Variants in EIPR1 observed in about 807,000 individuals in gnomAD.
EIPR1 encodes the protein EARP complex and GARP complex interacting protein 1.
Under a neutral mutation model 48.1 loss-of-function variants are expected in EIPR1, and 25 were observed. That is an observed-to-expected ratio of 0.52 (90% CI 0.38 to 0.73). The LOEUF (loss-of-function observed/expected upper bound fraction) is 0.73, where lower values mean the gene tolerates loss of function less well. EIPR1 is among the 30% of genes least tolerant of loss of function. The probability of loss-of-function intolerance (pLI) is 0.00; values close to 1 mark genes in which losing one functional copy is unlikely to be tolerated. For synonymous variants in EIPR1, 204 were observed against 201.9 expected (o/e 1.01, Z -0.09); for missense variants, 415 against 506.2 (o/e 0.82, Z 1.73).
At chr2:3,308,507 G>A (rs1263296090) in intron 3 of EIPR1, among the ~76,000 whole-genome samples, 3 of 151,764 alleles carry the variant, frequency 2.0e-5, no homozygotes, top group Non-Finnish European at 4.4e-5. Context: ...GAAAATAGAC[G>A]GAAAAAAAAA....
rs1356128501 is a variant in EIPR1 at position 3,286,435 on chromosome 2, C to G, written c.260-28980G>C. On this transcript the variant is annotated intron_variant, in intron 3 of 8. Transcript: ENST00000382125. The surrounding 1 kb of genome is among the most constrained non-coding windows in gnomAD (Gnocchi z 4.2). ...CAGAAGGAGCAGTGCCAAGGACCCC[C>G]GGGGGTGGGGCCATCCTACCAGGCA... 6.6e-6 allele frequency among the ~76,000 whole-genome samples: 1 copy of G among 152,106 alleles called. No homozygotes were observed. The highest frequency in any genetic ancestry group is 1.5e-5 in the Non-Finnish European group (1 of 68,014).
At position 3,377,719 on chromosome 2, in the gene EIPR1, C is replaced by G. The variant is rs898969143; in HGVS notation, c.-30G>C. On this transcript the variant is annotated 5_prime_UTR_variant, in exon 1 of 9. Coordinates refer to ENST00000382125, the MANE Select transcript of EIPR1 (RefSeq NM_003310.5). The stretch of plus-strand genomic sequence containing the variant: ...CGGGGAAGCGACCCGACCCCGGCCA[C>G]TCACACGCTAAGGACCTCGCTACGG... 1 of 1,567,986 alleles carries G rather than the reference C, an allele frequency of 6.4e-7. No individual in the cohort carries two copies. The highest frequency in any genetic ancestry group is 8.7e-7 in the Non-Finnish European group (1 of 1,155,892).
At chr2:3,326,617 A>C (rs1447622689) in intron 3 of EIPR1, among the ~76,000 whole-genome samples, 2 of 152,212 alleles carry the variant, frequency 1.3e-5, no homozygotes, top group African/African-American at 4.8e-5. Context: ...AGGGTGTGAC[A>C]GAAGAAGCGA....
intron 1 of EIPR1, among the ~76,000 whole-genome samples, chr2:3,371,649 G>T (rs1367037422): frequency 2.0e-5 from 3 of 152,136 alleles, no homozygotes; most frequent in African/African-American, 7.2e-5. Context: ...CATTACTTAA[G>T]GGTAAAGGGA....
At position 3,257,416 on chromosome 2, in the gene EIPR1, C is replaced by T; in HGVS notation, c.299G>A (p.Arg100Lys). ...SKVLTCAAVW[R>K]MPKELESGSH... ...GCCTGATTCCAATTCCTTCGGCATC[C>T]TCCACACGGCTGCACATGTCAGGAC... Residue 100 changes from arginine (R) to lysine (K), a missense_variant, in exon 4 of 9, where the codon AGG (arginine) becomes AAG (lysine). Coordinates refer to ENST00000382125, the MANE Select transcript of EIPR1 (RefSeq NM_003310.5). The T allele has an allele frequency of 6.2e-7, 1 of 1,614,230 alleles. No individual in the cohort carries two copies. The highest frequency in any genetic ancestry group is 2.2e-5 in the East Asian group (1 of 44,872).
intron 5 of EIPR1, among the ~76,000 whole-genome samples, chr2:3,202,071 G>T (rs889270703): frequency 1.3e-5 from 2 of 151,844 alleles, no homozygotes. Context: ...CCGAGTAGCT[G>T]GGACTACAGG....
intron 4 of EIPR1, among the ~76,000 whole-genome samples, chr2:3,216,338 C>A (rs563156348): frequency 4.1e-4 from 62 of 152,206 alleles, no homozygotes; most frequent in African/African-American, 1.3e-3. Context: ...AAAAAACAAG[C>A]AAGCAAAAGG....
rs1447092640 is a variant in EIPR1, at chr2:3,214,259, G to A, written c.417-11C>T. The A allele has an allele frequency of 3.7e-6, 6 of 1,611,004 alleles. No individual in the cohort carries two copies. In the Admixed American group the frequency reaches 1.0e-4, roughly 27 times the overall value. The stretch of plus-strand genomic sequence containing the variant: ...GGCTCCCACACGACACTAAGAGAAA[G>A]AGAAGTACCAAATGTTAACATAAAC... On this transcript the variant is annotated splice_polypyrimidine_tract_variant and intron_variant, in intron 4 of 8. Coordinates refer to ENST00000382125, the MANE Select transcript of EIPR1 (RefSeq NM_003310.5).
At chr2:3,235,448 G>GCACACACA (rs1172210710) in intron 4 of EIPR1, among the ~76,000 whole-genome samples, 9 of 26,842 alleles carry the variant, frequency 3.4e-4, no homozygotes, top group African/African-American at 6.0e-4. Context: ...ACGCGTGCGC[G>GCACACACA]CACACACACA....
intron 3 of EIPR1, among the ~76,000 whole-genome samples, chr2:3,306,934 T>C (rs138476237): frequency 1.3e-5 from 2 of 152,238 alleles, no homozygotes; most frequent in Admixed American, 1.3e-4. Flanking sequence ...TACATAAATA[T>C]ACGGTTTCAA....
intron 4 of EIPR1, among the ~76,000 whole-genome samples, chr2:3,240,471 A>C (rs1414787719): frequency 4.2e-4 from 59 of 139,198 alleles, no homozygotes; most frequent in African/African-American, 1.4e-3. Context: ...CTTCCTCAAG[A>C]AAAGCCAGCA....
intron 6 of EIPR1, 63 bp from the exon 7 acceptor site, chr2:3,194,229 C>A (rs1010498354): frequency 6.9e-6 from 11 of 1,585,072 alleles, no homozygotes; most frequent in African/African-American, 1.3e-5. Flanking sequence ...CCACTGCGTG[C>A]TGCGGGCACA....
intron 3 of EIPR1, among the ~76,000 whole-genome samples, chr2:3,295,282 TCCAG>T (rs1668521357): frequency 1.1e-5 from 1 of 88,056 alleles, no homozygotes; most frequent in Admixed American, 1.3e-4. Context: ...ACACCCTCCA[TCCAG>T]CCCGTCCTCT....
chr2:3,306,020 C>T (rs1382298350), intron 3 of EIPR1, among the ~76,000 whole-genome samples: 1 of 152,204 alleles, frequency 6.6e-6, no homozygotes, highest in Non-Finnish European at 1.5e-5. Flanking sequence ...TGGGTCTGAG[C>T]CCACTACAAT....
chr2:3,206,195 G>A (rs556638016), intron 5 of EIPR1, among the ~76,000 whole-genome samples: 66 of 152,196 alleles, frequency 4.3e-4, no homozygotes, highest in Admixed American at 7.2e-4. Flanking sequence ...CCAGGCTCTT[G>A]TGGTGGGATA....
At chr2:3,233,351 T>A (rs1666301739) in intron 4 of EIPR1, among the ~76,000 whole-genome samples, 2 of 152,230 alleles carry the variant, frequency 1.3e-5, no homozygotes, top group South Asian at 4.1e-4. Context: ...TTCAGTTGTT[T>A]CCAATTTTTC....
chr2:3,223,317 T>G (rs992598417), intron 4 of EIPR1, among the ~76,000 whole-genome samples: 1 of 152,068 alleles, frequency 6.6e-6, no homozygotes, highest in Admixed American at 6.5e-5. Context: ...TGCAACACAT[T>G]GATCACCACC....
chr2:3,268,891 C>T (rs1667578286), intron 3 of EIPR1, among the ~76,000 whole-genome samples: 1 of 152,158 alleles, frequency 6.6e-6, no homozygotes, highest in African/African-American at 2.4e-5. Flanking sequence ...GATACAAAGC[C>T]TACCTATGTC....
At chr2:3,214,546 A>C (rs779721131) in intron 4 of EIPR1, 77 of 233,382 alleles carry the variant, frequency 3.3e-4, no homozygotes, top group Non-Finnish European at 5.6e-4. Context: ...CATCCGTCGT[A>C]AGTTTAAAAT....
Sources: allele counts gnomAD v4.1 joint callset (sites outside exome capture counted in the v4.1 genomes callset), GRCh38; gene constraint gnomAD v4.1.1; non-coding constraint Gnocchi (gnomAD v3.1); transcripts MANE v1.5; gene names NCBI Gene and HGNC (gene_info 2026-07-23, HGNC 2026-07-21).